Variants in CROCC2 observed in about 807,000 individuals in gnomAD.
The protein encoded by CROCC2 is ciliary rootlet coiled-coil protein 2.
CROCC2 carries 163 observed loss-of-function variants against 177.6 expected under a neutral mutation model. That is an observed-to-expected ratio of 0.92 (90% CI 0.81 to 1.05). CROCC2 has a LOEUF of 1.05. Ranked by LOEUF, CROCC2 falls within the 50% of genes least tolerant of loss-of-function variation. The probability of loss-of-function intolerance (pLI) is 0.00; values close to 1 mark genes in which losing one functional copy is unlikely to be tolerated. For missense variants in CROCC2, 1,929 were observed against 1,797.8 expected, an observed-to-expected ratio of 1.07 and a Z score of -1.32; for synonymous variants, 904 against 787.3, an observed-to-expected ratio of 1.15 and a Z score of -2.48.
At chr2:240,921,678 C>T (rs2059357686) in intron 3 of CROCC2, among the ~76,000 whole-genome samples, 1 of 152,224 alleles carries the variant, frequency 6.6e-6, no homozygotes, top group Non-Finnish European at 1.5e-5. Context: ...TCTGGGTGGC[C>T]AGAGTGCCTG....
At chr2:240,984,482 C>G (rs1574798412) in intron 28 of CROCC2, among the ~76,000 whole-genome samples, 2 of 152,022 alleles carry the variant, frequency 1.3e-5, no homozygotes, top group South Asian at 4.1e-4. Context: ...GTACAACACC[C>G]CCTCCCCATC....
chr2:240,982,634 C>G lies in CROCC2; in HGVS notation c.4402-246C>G. The stretch of plus-strand genomic sequence containing the variant: ...CCTGCCAAGCCCAAGTCTTTGCCCA[C>G]GCTAGACCAGACCCCCAGGACTTTC... On this transcript the variant is annotated intron_variant, in intron 27 of 31. Transcript: ENST00000690015. This position sits in a 1 kb window ranked among gnomAD's most constrained non-coding sequence, Gnocchi z 4.7. 2.3e-6 allele frequency: 1 copy of G among 439,764 alleles called. No individual in the cohort carries two copies. Among genetic ancestry groups the G allele is most frequent in the East Asian group, 4.2e-5 (1 of 23,812 alleles). The allele number at this position is 439,764 out of a possible 1,614,324, so 27.2% of individuals were successfully genotyped here.
In CROCC2 at chr2:240,972,505, A is replaced by T. The variant is rs1468554197; in HGVS notation, c.4401+4243A>T. On this transcript the variant is annotated intron_variant, in intron 27 of 31. Transcript: ENST00000690015. The surrounding 1 kb of genome is among the most constrained non-coding windows in gnomAD (Gnocchi z 7.1). ...GGTAGTACAGAGTTGCCTCCCCAAC[A>T]CCCCTGCAGCTCCCTCCAGCCCTCG... Among the ~76,000 whole-genome samples, 1 of 151,716 alleles carries T rather than the reference A, an allele frequency of 6.6e-6. No individual in the cohort carries two copies. The highest frequency in any genetic ancestry group is 1.9e-4 in the East Asian group (1 of 5,136).
At chr2:240,914,093 G>A (rs375963553) in intron 1 of CROCC2, among the ~76,000 whole-genome samples, 5 of 152,230 alleles carry the variant, frequency 3.3e-5, no homozygotes, top group Non-Finnish European at 7.3e-5. Flanking sequence ...AAGCTGCTTG[G>A]TTCCCTGCCC....
At chr2:240,945,943 A>T (rs1015770173) in intron 14 of CROCC2, 117 bp from the exon 15 acceptor site, 1 of 777,494 alleles carries the variant, frequency 1.3e-6, no homozygotes, top group African/African-American at 1.7e-5. Flanking sequence ...TTTCACCTCC[A>T]TGCCATTCTG....
At chr2:240,992,748 T>C (rs979466403) in intron 31 of CROCC2, among the ~76,000 whole-genome samples, 3 of 152,240 alleles carry the variant, frequency 2.0e-5, no homozygotes, top group African/African-American at 7.2e-5. Context: ...CCCCCACTGC[T>C]GGAGAGTGCT....
At chr2:240,932,479 C>A in intron 8 of CROCC2, 65 bp downstream of exon 8, 1 of 714,260 alleles carries the variant, frequency 1.4e-6, no homozygotes, top group South Asian at 1.5e-5. Context: ...GGAGTCTCCC[C>A]TGCCACAGGA....
At chr2:240,990,009 G>A (rs573654327) in intron 30 of CROCC2, among the ~76,000 whole-genome samples, 176 bp downstream of exon 30, 7 of 152,306 alleles carry the variant, frequency 4.6e-5, no homozygotes, top group Non-Finnish European at 8.8e-5. Flanking sequence ...CTTTGCTCTC[G>A]ACGGCACGAG....
At chr2:240,948,460 C>G (rs1476939050) in intron 15 of CROCC2, among the ~76,000 whole-genome samples, 3 of 152,300 alleles carry the variant, frequency 2.0e-5, no homozygotes, top group African/African-American at 7.2e-5. Flanking sequence ...GTGTTTGAGT[C>G]TTTGTGATGT....
intron 1 of CROCC2, among the ~76,000 whole-genome samples, chr2:240,913,400 C>T (rs1409949035): frequency 1.3e-5 from 2 of 152,222 alleles, no homozygotes; most frequent in African/African-American, 4.8e-5. Flanking sequence ...AGACAGGGTC[C>T]TTGCCCTCCT....
chr2:240,986,374 G>T (rs900924930), intron 28 of CROCC2, among the ~76,000 whole-genome samples: 1 of 152,036 alleles, frequency 6.6e-6, no homozygotes, highest in Non-Finnish European at 1.5e-5. Context: ...ATGGCCCCTT[G>T]ACCCCAGAGC....
At chr2:240,957,850 C>A (rs1326363442) in intron 19 of CROCC2, 9 of 434,824 alleles carry the variant, frequency 2.1e-5, no homozygotes, top group Non-Finnish European at 2.4e-5. Context: ...TGACCATGCC[C>A]CTCCCTCCTC....
At chr2:240,954,127 A>C (rs1436977607) in intron 18 of CROCC2, among the ~76,000 whole-genome samples, 5 of 152,156 alleles carry the variant, frequency 3.3e-5, no homozygotes, top group Non-Finnish European at 7.4e-5. Flanking sequence ...CTGATTTTTA[A>C]AATTGTTTAG....
Position 240,950,910 on chromosome 2 carries a change from T to TTCAC in CROCC2, c.2829+400_2829+401insTCAC, listed in dbSNP as rs1559601742. On this transcript the variant is annotated intron_variant, in intron 18 of 31. Transcript: ENST00000690015. ...ATCCATCCATTTATCCATCCATCCATCCAGCCATCCATCCACCCATTTACC... is the reference window on the plus strand; with the variant it reads ...ATCCATCCATTTATCCATCCATCCATTCACCCAGCCATCCATCCACCCATTTACC... The TTCAC allele has an allele frequency of 3.2e-5, 3 of 92,950 alleles. No homozygotes were observed. In the East Asian group the frequency reaches 7.9e-4, roughly 24 times the overall value. 5.8% of individuals were successfully genotyped at this position (92,950 alleles called of 1,614,324 possible).
At chr2:240,985,849 G>T (rs917573547) in intron 28 of CROCC2, 3 of 421,104 alleles carry the variant, frequency 7.1e-6, no homozygotes, top group East Asian at 1.5e-4. Flanking sequence ...CTCACACTGG[G>T]GGTCTCACTG....
At chr2:240,959,550 G>C in intron 20 of CROCC2, 106 bp downstream of exon 20, 1 of 1,380,996 alleles carries the variant, frequency 7.2e-7, no homozygotes, top group Admixed American at 2.6e-5. Flanking sequence ...AAGAGAGGCT[G>C]TACCACAGAG....
At chr2:240,911,158 A>C (rs1216324935) in intron 1 of CROCC2, among the ~76,000 whole-genome samples, 1 of 152,110 alleles carries the variant, frequency 6.6e-6, no homozygotes, top group South Asian at 2.1e-4. Context: ...TTTTTAAAAA[A>C]ATTTTTCATT....
intron 5 of CROCC2, among the ~76,000 whole-genome samples, chr2:240,928,740 A>T (rs899492043): frequency 1.5e-5 from 2 of 137,504 alleles, no homozygotes; most frequent in African/African-American, 5.0e-5. Flanking sequence ...GGGCGTGCAG[A>T]CAGGTGTAAC....
Position 240,962,032 on chromosome 2 carries a change from ACGCACACACG to A in CROCC2, c.3088-1514_3088-1505del, listed in dbSNP as rs1388710093. Among the ~76,000 whole-genome samples the A allele has an allele frequency of 3.0e-4, 9 of 30,296 alleles. No individual in the cohort carries two copies. In the East Asian group the frequency reaches 5.1e-3, roughly 17 times the overall value. The allele number at this position is 30,296 out of a possible 152,430, so 19.9% of individuals were successfully genotyped here. ...CACCCACACACACACACACACACGCACGCACACACGCGCACACACATACACTCACACTCAC... is the reference window on the plus strand; with the variant it reads ...CACCCACACACACACACACACACGCACGCACACACATACACTCACACTCAC... On this transcript the variant is annotated intron_variant, in intron 20 of 31. Coordinates refer to ENST00000690015, the MANE Select transcript of CROCC2 (RefSeq NM_001351305.2).
Sources: allele counts gnomAD v4.1 joint callset (sites outside exome capture counted in the v4.1 genomes callset), GRCh38; gene constraint gnomAD v4.1.1; non-coding constraint Gnocchi (gnomAD v3.1); transcripts MANE v1.5; gene names NCBI Gene and HGNC (gene_info 2026-07-23, HGNC 2026-07-21).